Variants in MLEC observed in about 807,000 individuals in gnomAD.
The protein encoded by MLEC is malectin, also known as oligosaccharyltransferase complex subunit (non-catalytic).
Under a neutral mutation model 28.7 loss-of-function variants are expected in MLEC, and 7 were observed. The ratio of observed to expected loss-of-function variants is 0.24; its 90% CI spans 0.14 to 0.46. The LOEUF is 0.46. Among genes scored for constraint, MLEC ranks in the 20% least tolerant of loss-of-function variants. The pLI is 0.99. For synonymous variants in MLEC, 142 were observed against 164.4 expected (o/e 0.86, Z 1.04); for missense variants, 237 against 391.1 (o/e 0.61, Z 3.32).
chr12:120,695,232 A>G, intron 4 of MLEC, 80 bp downstream of exon 4: 1 of 1,509,472 alleles, frequency 6.6e-7, no homozygotes, highest in East Asian at 2.3e-5. Context: ...AATTGAGCTG[A>G]TGACTATTTT....
Position 120,687,431 on chromosome 12 carries a change from CG to C in MLEC, c.136del (p.Glu46ArgfsTer39). ...CCGGCGCGGCGGGGGCCGGGCTGCC[CG>C]AGAGCGTCATTTGGGCGGTCAACGC... ...VAGAAGAGLP[E>X]SVIWAVNAGG... is the part of the protein sequence containing the mutation. On this transcript the variant is annotated frameshift_variant, in exon 1 of 5. Coordinates refer to ENST00000228506, the MANE Select transcript of MLEC (RefSeq NM_014730.4). LOFTEE classifies it high-confidence loss of function. This position sits in a 1 kb window ranked among gnomAD's most constrained non-coding sequence, Gnocchi z 8.1. The C allele has an allele frequency of 7.1e-7, 1 of 1,404,364 alleles. No individual in the cohort carries two copies. The highest frequency in any genetic ancestry group is 9.3e-7 in the Non-Finnish European group (1 of 1,078,108). The allele number at this position is 1,404,364 out of a possible 1,614,324, so 87.0% of individuals were successfully genotyped here.
chr12:120,693,430 T>C (rs1451047882), intron 1 of MLEC, among the ~76,000 whole-genome samples: 2 of 152,138 alleles, frequency 1.3e-5, no homozygotes, highest in Non-Finnish European at 2.9e-5. Flanking sequence ...AGTAAGTAGG[T>C]GAGGTGGAGT....
In MLEC at chr12:120,694,303, G is replaced by T; in HGVS notation, c.414+34G>T. 1 of 1,601,772 alleles carries T rather than the reference G, an allele frequency of 6.2e-7. No homozygotes were observed. The highest frequency in any genetic ancestry group is 8.5e-7 in the Non-Finnish European group (1 of 1,172,704). Reference sequence around the variant, plus strand: ...TAGTCAGGCTGCTGCTTGACCAGTAGGACATTGCTGCTCTTGGACAATCCA... The same window carrying T: ...TAGTCAGGCTGCTGCTTGACCAGTATGACATTGCTGCTCTTGGACAATCCA... On this transcript the variant is annotated intron_variant, in intron 2 of 4. Coordinates refer to ENST00000228506, the MANE Select transcript of MLEC (RefSeq NM_014730.4). The surrounding 1 kb of genome is among the most constrained non-coding windows in gnomAD (Gnocchi z 4.5).
At chr12:120,695,458 G>C (rs1331322125) in intron 4 of MLEC, among the ~76,000 whole-genome samples, 1 of 152,056 alleles carries the variant, frequency 6.6e-6, no homozygotes, top group Admixed American at 6.5e-5. Context: ...GTAGTCATTT[G>C]GGATCACCTA....
At position 120,698,410 on chromosome 12, in the gene MLEC, G is replaced by A. The variant is rs1168380549; in HGVS notation, c.*1865G>A. The A allele has an allele frequency of 6.6e-6, 1 of 152,258 alleles. No individual in the cohort carries two copies. Among genetic ancestry groups the A allele is most frequent in the African/African-American group, 2.4e-5 (1 of 41,438 alleles). 9.4% of individuals were successfully genotyped at this position (152,258 alleles called of 1,614,324 possible). A position where few individuals can be genotyped will look rare whatever the true frequency, so the allele number is the denominator to read the frequency against. On this transcript the variant is annotated 3_prime_UTR_variant, in exon 5 of 5. Coordinates refer to ENST00000228506, the MANE Select transcript of MLEC (RefSeq NM_014730.4). ...TAGGGTATTGAGTCAGGCAGCTGGA[G>A]GGTTGTGGCCCGAGGCTGCAGTCAG... is the stretch of plus-strand genomic sequence containing the variant.
intron 1 of MLEC, among the ~76,000 whole-genome samples, chr12:120,689,830 T>C (rs975206224): frequency 1.3e-5 from 2 of 152,278 alleles, no homozygotes; most frequent in Non-Finnish European, 2.9e-5. Context: ...AAGTTGATTT[T>C]ATGTTGAATG....
rs552213129 is a variant in MLEC, at chr12:120,697,124, A to G, written c.*579A>G. On this transcript the variant is annotated 3_prime_UTR_variant, in exon 5 of 5. Coordinates refer to ENST00000228506, the MANE Select transcript of MLEC (RefSeq NM_014730.4). The surrounding 1 kb of genome is among the most constrained non-coding windows in gnomAD (Gnocchi z 4.8). ...TCTGGAAGCCTTTCTGGATTAATCC[A>G]GTGATGGTCCCACCTTTAGTGTTTG... The G allele has an allele frequency of 6.5e-6, 1 of 153,918 alleles. No individual in the cohort carries two copies. The highest frequency in any genetic ancestry group is 1.4e-5 in the Non-Finnish European group (1 of 69,252). The allele number at this position is 153,918 out of a possible 1,614,324, so 9.5% of individuals were successfully genotyped here.
rs1882178199 is a variant in MLEC at position 120,695,042 on chromosome 12, AG to A, written c.591+46del. ...GCCCATTGCTGAAGAGAGTGGGTAC[AG>A]GGGAAGTTGTTTGCTGCTGTGTGGG... On this transcript the variant is annotated intron_variant, in intron 3 of 4. Coordinates refer to ENST00000228506, the MANE Select transcript of MLEC (RefSeq NM_014730.4). 3 of 1,613,964 alleles carry A rather than the reference AG, an allele frequency of 1.9e-6. No individual in the cohort carries two copies. The South Asian group carries it at 3.3e-5, about 18-fold the overall frequency.
In MLEC at chr12:120,696,226, A is replaced by G. The variant is rs553544800; in HGVS notation, c.650-90A>G. Reference sequence around the variant, plus strand: ...CTCTGGACCCGGGTTCAATCACAGCAATCTCTTTATTGTGGCTTATTTGCT... The same window carrying G: ...CTCTGGACCCGGGTTCAATCACAGCGATCTCTTTATTGTGGCTTATTTGCT... On this transcript the variant is annotated intron_variant, in intron 4 of 4. Transcript: ENST00000228506. The surrounding 1 kb of genome is among the most constrained non-coding windows in gnomAD (Gnocchi z 5.4). 277 of 1,517,482 alleles carry G rather than the reference A, an allele frequency of 1.8e-4. No individual in the cohort carries two copies. The highest frequency in any genetic ancestry group is 2.3e-4 in the Non-Finnish European group (258 of 1,122,108). The allele number at this position is 1,517,482 out of a possible 1,614,324, so 94.0% of individuals were successfully genotyped here.
chr12:120,687,597 C>T lies in MLEC; in HGVS notation c.235+66C>T. 18 of 1,297,240 alleles carry T rather than the reference C, an allele frequency of 1.4e-5. No homozygotes were observed. Among genetic ancestry groups the T allele is most frequent in the Non-Finnish European group, 1.8e-5 (18 of 980,110 alleles). The allele number at this position is 1,297,240 out of a possible 1,614,324, so 80.4% of individuals were successfully genotyped here. On this transcript the variant is annotated intron_variant, in intron 1 of 4. Coordinates refer to ENST00000228506, the MANE Select transcript of MLEC (RefSeq NM_014730.4). The surrounding 1 kb of genome is among the most constrained non-coding windows in gnomAD (Gnocchi z 8.1). ...TGTGCTGGGCGCAGCCGGCCGGGGG[C>T]TGCGGGCCCCGAGCCCCTTTCGACC... is the stretch of plus-strand genomic sequence containing the variant.
At chr12:120,692,460 G>C (rs1882077653) in intron 1 of MLEC, among the ~76,000 whole-genome samples, 1 of 152,092 alleles carries the variant, frequency 6.6e-6, no homozygotes, top group African/African-American at 2.4e-5. Context: ...AAAGAAAAAA[G>C]TCTGAAGACA....
At chr12:120,689,330 A>T (rs921748649) in intron 1 of MLEC, among the ~76,000 whole-genome samples, 1 of 152,090 alleles carries the variant, frequency 6.6e-6, no homozygotes, top group Non-Finnish European at 1.5e-5. Context: ...TAGCAGGTAA[A>T]ATTACATGAG....
chr12:120,689,967 G>A (rs1258888543), intron 1 of MLEC, among the ~76,000 whole-genome samples: 1 of 152,132 alleles, frequency 6.6e-6, no homozygotes, highest in Non-Finnish European at 1.5e-5. Context: ...GCACCTAGTG[G>A]TTTATGCTTT....
In MLEC at chr12:120,701,210, C is replaced by G. The variant is rs1303145864; in HGVS notation, c.*4665C>G. 6.6e-6 allele frequency: 1 copy of G among 152,192 alleles called. No homozygotes were observed. Among genetic ancestry groups the G allele is most frequent in the Non-Finnish European group, 1.5e-5 (1 of 68,046 alleles). 9.4% of individuals were successfully genotyped at this position (152,192 alleles called of 1,614,324 possible). On this transcript the variant is annotated 3_prime_UTR_variant, in exon 5 of 5. Coordinates refer to ENST00000228506, the MANE Select transcript of MLEC (RefSeq NM_014730.4). The surrounding 1 kb of genome is among the most constrained non-coding windows in gnomAD (Gnocchi z 4.0). ...GGAAAAACAACAACAAACTGAAGTG[C>G]GCTTTCCGTCCTTTCAAAGGACAAC...
Position 120,696,449 on chromosome 12 carries a change from C to T in MLEC, c.783C>T (p.Pro261=), listed in dbSNP as rs751097096. 4 of 1,614,170 alleles carry T rather than the reference C, an allele frequency of 2.5e-6. No individual in the cohort carries two copies. The South Asian group carries it at 4.4e-5, about 18-fold the overall frequency. The part of the protein sequence containing the change: ...KNRVQSGPRT[P]NPYASDNSSL... ...GGGTGCAGTCAGGCCCCCGCACACCCAACCCCTATGCCTCGGACAACAGCA... is the reference window on the plus strand; with the variant it reads ...GGGTGCAGTCAGGCCCCCGCACACCTAACCCCTATGCCTCGGACAACAGCA... The change falls in exon 5 of 5, where the codon CCC becomes CCT. Residue 261 remains proline (P), a synonymous_variant. Transcript: ENST00000228506. The surrounding 1 kb of genome is among the most constrained non-coding windows in gnomAD (Gnocchi z 5.4).
At chr12:120,689,109 T>C (rs1462744403) in intron 1 of MLEC, among the ~76,000 whole-genome samples, 1 of 152,214 alleles carries the variant, frequency 6.6e-6, no homozygotes, top group African/African-American at 2.4e-5. Context: ...ATTCAGTCTG[T>C]TGTGCAGAGA....
At chr12:120,695,713 G>A (rs981256429) in intron 4 of MLEC, among the ~76,000 whole-genome samples, 4 of 152,290 alleles carry the variant, frequency 2.6e-5, no homozygotes, top group African/African-American at 7.2e-5. Context: ...AGAAAGCTGC[G>A]TCTTTGTGAC....
At chr12:120,690,400 T>C (rs1184520961) in intron 1 of MLEC, among the ~76,000 whole-genome samples, 2 of 152,178 alleles carry the variant, frequency 1.3e-5, no homozygotes, top group East Asian at 3.8e-4. Context: ...GCACAGAATT[T>C]TGCTTGAGTT....
rs55993251 is a variant in MLEC, at chr12:120,696,734, C to A, written c.*189C>A. 7 of 776,142 alleles carry A rather than the reference C, an allele frequency of 9.0e-6. No homozygotes were observed. Among genetic ancestry groups the A allele is most frequent in the Non-Finnish European group, 1.4e-5 (7 of 498,824 alleles). The allele number at this position is 776,142 out of a possible 1,614,324, so 48.1% of individuals were successfully genotyped here. Reference sequence around the variant, plus strand: ...CCCTCATTCACCACCTGGTCCCAGACGTGCTTCAGTCCTCGTCCTCTCTTT... The same window carrying A: ...CCCTCATTCACCACCTGGTCCCAGAAGTGCTTCAGTCCTCGTCCTCTCTTT... On this transcript the variant is annotated 3_prime_UTR_variant, in exon 5 of 5. Coordinates refer to ENST00000228506, the MANE Select transcript of MLEC (RefSeq NM_014730.4). The surrounding 1 kb of genome is among the most constrained non-coding windows in gnomAD (Gnocchi z 5.4).
Sources: allele counts gnomAD v4.1 joint callset (sites outside exome capture counted in the v4.1 genomes callset), GRCh38; gene constraint gnomAD v4.1.1; non-coding constraint Gnocchi (gnomAD v3.1); transcripts MANE v1.5; gene names NCBI Gene and HGNC (gene_info 2026-07-23, HGNC 2026-07-21).